The following PCNX1 variants were observed in gnomAD, a reference collection of about 807,000 sequenced individuals.
PCNX1 encodes pecanex 1.
PCNX1 carries 78 observed loss-of-function variants against 242.2 expected under a neutral mutation model. That is an observed-to-expected ratio of 0.32 (90% CI 0.27 to 0.39). The LOEUF is 0.39. PCNX1 is among the 10% of genes least tolerant of loss of function. The pLI is 1.00. For synonymous variants in PCNX1, 1,024 were observed against 1,032.9 expected, an observed-to-expected ratio of 0.99 and a Z score of 0.17; for missense variants, 2,581 against 2,856.5, an observed-to-expected ratio of 0.90 and a Z score of 2.20.
chr14:71,006,426 C>T (rs2059669931), intron 8 of PCNX1, among the ~76,000 whole-genome samples: 2 of 151,976 alleles, frequency 1.3e-5, no homozygotes, highest in South Asian at 4.1e-4. Context: ...ATGACAGAGG[C>T]ATTCTATCAG....
intron 7 of PCNX1, among the ~76,000 whole-genome samples, chr14:70,989,183 C>T (rs57780261): frequency 0.012 from 1,866 of 151,860 alleles, 42 homozygotes; most frequent in African/African-American, 0.043. Flanking sequence ...TTTTATATTG[C>T]CTAAAACTTG....
At chr14:71,050,036 T>G (rs967510965) in intron 22 of PCNX1, among the ~76,000 whole-genome samples, 12 of 152,244 alleles carry the variant, frequency 7.9e-5, no homozygotes, top group Non-Finnish European at 1.2e-4. Context: ...ACAAATGCTG[T>G]TTTTCACATT....
chr14:71,042,263 C>T (rs1047715883), intron 19 of PCNX1, among the ~76,000 whole-genome samples: 4 of 152,056 alleles, frequency 2.6e-5, no homozygotes, highest in South Asian at 2.1e-4. Flanking sequence ...ATGTTGAAAT[C>T]GAGGTGTTGA....
At chr14:70,941,125 T>G (rs1227226856) in intron 1 of PCNX1, among the ~76,000 whole-genome samples, 1 of 152,246 alleles carries the variant, frequency 6.6e-6, no homozygotes, top group East Asian at 1.9e-4. Context: ...AGCCTACTTC[T>G]GTCAACTCGT....
intron 11 of PCNX1, among the ~76,000 whole-genome samples, chr14:71,013,833 GAAGT>G (rs1426366984): frequency 3.9e-5 from 6 of 152,230 alleles, no homozygotes; most frequent in Non-Finnish European, 8.8e-5. Flanking sequence ...AGGGAGAACT[GAAGT>G]AGAGTCCAGC....
At chr14:71,053,547 A>G in intron 24 of PCNX1, 1 of 286,160 alleles carries the variant, frequency 3.5e-6, no homozygotes, top group Non-Finnish European at 6.8e-6. Context: ...TGAACTTCTG[A>G]GCTCAGGTGA....
chr14:70,956,446 C>T (rs2057998130), intron 2 of PCNX1, among the ~76,000 whole-genome samples: 1 of 152,050 alleles, frequency 6.6e-6, no homozygotes, highest in African/African-American at 2.4e-5. Context: ...GCAGCCCCAG[C>T]TACTCAGGAG....
intron 30 of PCNX1, among the ~76,000 whole-genome samples, chr14:71,097,724 G>A (rs565736200): frequency 1.3e-5 from 2 of 152,232 alleles, no homozygotes; most frequent in East Asian, 3.9e-4. Context: ...CTCCCATCCT[G>A]TAGGTTGTCA....
chr14:71,084,685 A>G (rs1595468245), intron 28 of PCNX1, among the ~76,000 whole-genome samples: 1 of 152,140 alleles, frequency 6.6e-6, no homozygotes, highest in Non-Finnish European at 1.5e-5. Context: ...GTAATGGCAG[A>G]TGCCCCTTCC....
intron 2 of PCNX1, among the ~76,000 whole-genome samples, chr14:70,949,514 T>G (rs749590931): frequency 1.3e-5 from 2 of 152,076 alleles, no homozygotes; most frequent in Non-Finnish European, 2.9e-5. Context: ...GATATTTTAC[T>G]TGACATTTAT....
intron 6 of PCNX1, 55 bp from the exon 7 acceptor site, chr14:70,988,512 G>T: frequency 6.3e-7 from 1 of 1,580,142 alleles, no homozygotes. Context: ...AGGCTCAGCT[G>T]CTATTTACAT....
Position 71,028,771 on chromosome 14 carries a change from T to C in PCNX1, c.3538T>C (p.Leu1180=). The change falls in exon 16 of 36, where the codon TTA becomes CTA. Residue 1180 remains leucine, a synonymous_variant. Transcript: ENST00000304743. ...TGTTGCAGTAGCCTTATTGTATGGA[T>C]TATGTTATGGGGCTTTAAAGGTGAG... is the stretch of plus-strand genomic sequence containing the variant. ...SIVAVALLYG[L]CYGALKDSWD... is the part of the protein sequence containing the mutation. 6.2e-7 allele frequency: 1 copy of C among 1,600,666 alleles called. No individual in the cohort carries two copies. Among genetic ancestry groups the C allele is most frequent in the Non-Finnish European group, 8.5e-7 (1 of 1,170,678 alleles).
At chr14:71,021,407 C>G (rs577710466) in intron 12 of PCNX1, among the ~76,000 whole-genome samples, 2 of 152,238 alleles carry the variant, frequency 1.3e-5, no homozygotes, top group East Asian at 3.9e-4. Flanking sequence ...GAATGTTTTT[C>G]CATTTGTTTG....
At chr14:71,097,930 T>C (rs2062339224) in intron 30 of PCNX1, among the ~76,000 whole-genome samples, 1 of 152,234 alleles carries the variant, frequency 6.6e-6, no homozygotes, top group Non-Finnish European at 1.5e-5. Context: ...ATTTAAATCT[T>C]TAATCCATTC....
At chr14:70,955,777 A>G (rs1219562301) in intron 2 of PCNX1, among the ~76,000 whole-genome samples, 1 of 152,210 alleles carries the variant, frequency 6.6e-6, no homozygotes, top group Non-Finnish European at 1.5e-5. Context: ...ATGTTTAGCT[A>G]TATTTAGAAC....
In PCNX1 at chr14:71,047,941, C is replaced by A; in HGVS notation, c.4295C>A (p.Thr1432Asn). 1.2e-6 allele frequency: 2 copies of A among 1,613,002 alleles called. No homozygotes were observed. Among genetic ancestry groups the A allele is most frequent in the Middle Eastern group, 1.7e-4 (1 of 5,988 alleles). ...FKFDYEAFSE[T>N]MLLDLFFMSI... Reference sequence around the variant, plus strand: ...TTTGACTATGAAGCTTTTTCAGAGACCATGCTGTTGGATCTCTTCTTTATG... The same window carrying A: ...TTTGACTATGAAGCTTTTTCAGAGAACATGCTGTTGGATCTCTTCTTTATG... The change falls in exon 22 of 36, where the codon ACC becomes AAC. Residue 1432 changes from threonine (T) to asparagine (N), a missense_variant. Coordinates refer to ENST00000304743, the MANE Select transcript of PCNX1 (RefSeq NM_014982.3).
intron 26 of PCNX1, among the ~76,000 whole-genome samples, chr14:71,063,115 A>G (rs1481090931): frequency 1.3e-5 from 2 of 152,170 alleles, no homozygotes; most frequent in African/African-American, 2.4e-5. Flanking sequence ...GTATCCCCAT[A>G]GTTATGCAAC....
In PCNX1 at chr14:71,102,204, G is replaced by GCTT. The variant is rs765046436; in HGVS notation, c.5806_5808dup (p.Phe1936dup). ...ATCATGCTCAACAGACGCTACCTGA[G>GCTT]CTTCAGGGTCATTAAAGTAAGTGTT... On this transcript the variant is annotated inframe_insertion, in exon 31 of 36. Coordinates refer to ENST00000304743, the MANE Select transcript of PCNX1 (RefSeq NM_014982.3). 1 of 1,610,292 alleles carries GCTT rather than the reference G, an allele frequency of 6.2e-7. No individual in the cohort carries two copies. The highest frequency in any genetic ancestry group is 8.5e-7 in the Non-Finnish European group (1 of 1,176,582).
At chr14:71,100,555 G>A (rs1017377269) in intron 30 of PCNX1, among the ~76,000 whole-genome samples, 5 of 152,102 alleles carry the variant, frequency 3.3e-5, no homozygotes, top group African/African-American at 1.2e-4. Flanking sequence ...GGACACCCTG[G>A]TGACTGTATG....
Sources: allele counts gnomAD v4.1 joint callset (sites outside exome capture counted in the v4.1 genomes callset), GRCh38; gene constraint gnomAD v4.1.1; transcripts MANE v1.5; gene names NCBI Gene and HGNC (gene_info 2026-07-23, HGNC 2026-07-21).